The following EPHA6 variants were observed in gnomAD, a reference collection of about 807,000 sequenced individuals.
EPHA6 encodes the protein EPH receptor A6.
Under a neutral mutation model 112.0 loss-of-function variants are expected in EPHA6, and 50 were observed. The observed-to-expected ratio is 0.45, with a 90% CI of 0.36 to 0.56. The LOEUF (loss-of-function observed/expected upper bound fraction) is 0.56, where lower values mean the gene tolerates loss of function less well. EPHA6 is among the 20% of genes least tolerant of loss of function. The pLI, the probability that EPHA6 is intolerant of heterozygous loss-of-function variation, is 0.00. For synonymous variants in EPHA6, 529 were observed against 490.7 expected (o/e 1.08, Z -1.03); for missense variants, 1,280 against 1,417.4 (o/e 0.90, Z 1.56).
intron 14 of EPHA6, among the ~76,000 whole-genome samples, chr3:97,716,586 A>G (rs1477391291): frequency 1.3e-5 from 2 of 151,034 alleles, no homozygotes; most frequent in Admixed American, 1.3e-4. Flanking sequence ...AAAAAAAAAA[A>G]AAAAAAAAAA....
At chr3:97,270,116 A>G (rs2079830115) in intron 5 of EPHA6, among the ~76,000 whole-genome samples, 1 of 152,196 alleles carries the variant, frequency 6.6e-6, no homozygotes, top group Non-Finnish European at 1.5e-5. Flanking sequence ...TATAATTTTC[A>G]GAAAAAGCTA....
chr3:97,249,669 CCTTTCCACCAATATGT>C (rs1429988995), intron 5 of EPHA6, among the ~76,000 whole-genome samples: 3 of 152,076 alleles, frequency 2.0e-5, no homozygotes, highest in African/African-American at 4.8e-5. Flanking sequence ...TAATAATTTG[CCTTTCCACCAATATGT>C]AAGCTTCTTG....
intron 2 of EPHA6, among the ~76,000 whole-genome samples, chr3:96,955,857 A>G (rs2041736413): frequency 6.6e-6 from 1 of 152,234 alleles, no homozygotes; most frequent in African/African-American, 2.4e-5. Flanking sequence ...GTTGAAAAGC[A>G]TTACTCACAA....
At chr3:97,594,201 A>G (rs2107355894) in intron 12 of EPHA6, among the ~76,000 whole-genome samples, 1 of 152,358 alleles carries the variant, frequency 6.6e-6, no homozygotes. Context: ...ATGAAGTTTA[A>G]GACTGACTTG....
chr3:97,201,683 T>C (rs1228427137), intron 3 of EPHA6, among the ~76,000 whole-genome samples: 1 of 152,156 alleles, frequency 6.6e-6, no homozygotes. Flanking sequence ...CATTAAGATA[T>C]TGTAATTGCA....
At chr3:97,544,533 G>A (rs553583291) in intron 11 of EPHA6, among the ~76,000 whole-genome samples, 3 of 152,190 alleles carry the variant, frequency 2.0e-5, no homozygotes, top group Non-Finnish European at 2.9e-5. Flanking sequence ...TGTTCATCAA[G>A]GACATTGGTC....
At chr3:96,868,169 TGTGTGTGA>T (rs1279141224) in intron 2 of EPHA6, among the ~76,000 whole-genome samples, 1 of 146,102 alleles carries the variant, frequency 6.8e-6, no homozygotes, top group African/African-American at 2.7e-5. Flanking sequence ...CGTGTGTGTG[TGTGTGTGA>T]GAGAGAGAGA....
At chr3:96,859,637 CTA>C (rs2035897281) in intron 1 of EPHA6, among the ~76,000 whole-genome samples, 1 of 152,038 alleles carries the variant, frequency 6.6e-6, no homozygotes, top group Non-Finnish European at 1.5e-5. Context: ...ATCTCCCACT[CTA>C]TGTAAAACAA....
intron 13 of EPHA6, among the ~76,000 whole-genome samples, chr3:97,613,332 G>A (rs138962692): frequency 6.6e-6 from 1 of 152,290 alleles, no homozygotes; most frequent in Non-Finnish European, 1.5e-5. Context: ...ACAGGAAGGA[G>A]GAAGTGGCTA....
At chr3:97,156,537 G>GA (rs1045794157) in intron 3 of EPHA6, among the ~76,000 whole-genome samples, 5 of 151,632 alleles carry the variant, frequency 3.3e-5, no homozygotes, top group Non-Finnish European at 7.4e-5. Context: ...GAGATACAAT[G>GA]AAAAAAAATT....
chr3:96,997,609 G>T (rs1164134504), intron 3 of EPHA6, among the ~76,000 whole-genome samples: 1 of 151,976 alleles, frequency 6.6e-6, no homozygotes, highest in Non-Finnish European at 1.5e-5. Context: ...TGGCTTATGT[G>T]AGTATGGTTT....
chr3:97,028,583 A>G (rs575280506), intron 3 of EPHA6, among the ~76,000 whole-genome samples: 2 of 152,208 alleles, frequency 1.3e-5, no homozygotes, highest in East Asian at 3.9e-4. Context: ...TTTTTAAGGA[A>G]CAAGTACCAT....
chr3:97,350,609 C>A lies in EPHA6; in HGVS notation c.1607-54541C>A, dbSNP rs1443566608. The stretch of plus-strand genomic sequence containing the variant: ...GGGAAAACCTCAGCACACATCTAGT[C>A]CAGTTGTCATCATTTGCTTCTTTTT... On this transcript the variant is annotated intron_variant, in intron 5 of 17. Coordinates refer to ENST00000389672, the MANE Select transcript of EPHA6 (RefSeq NM_001080448.3). Among the ~76,000 whole-genome samples the A allele has an allele frequency of 2.0e-5, 3 of 152,066 alleles. No individual in the cohort carries two copies. The East Asian group carries it at 5.8e-4, about 29-fold the overall frequency.
chr3:97,135,325 A>C (rs1035149945), intron 3 of EPHA6, among the ~76,000 whole-genome samples: 10 of 152,114 alleles, frequency 6.6e-5, no homozygotes, highest in African/African-American at 1.4e-4. Flanking sequence ...TGAGCTTTCT[A>C]ATTCTAGAGC....
At chr3:97,006,382 G>T (rs760916499) in intron 3 of EPHA6, among the ~76,000 whole-genome samples, 1 of 152,112 alleles carries the variant, frequency 6.6e-6, no homozygotes, top group Non-Finnish European at 1.5e-5. Context: ...AGATTTTCTA[G>T]TTTATTTGCA....
intron 14 of EPHA6, among the ~76,000 whole-genome samples, chr3:97,654,770 CA>C (rs1352876212): frequency 6.6e-6 from 1 of 151,416 alleles, no homozygotes; most frequent in East Asian, 1.9e-4. Flanking sequence ...GTTAAGGAAA[CA>C]AAGAAAGAAG....
chr3:97,198,125 G>A (rs904003500), intron 3 of EPHA6, among the ~76,000 whole-genome samples: 1 of 151,974 alleles, frequency 6.6e-6, no homozygotes, highest in African/African-American at 2.4e-5. Context: ...GTTAAAACCA[G>A]GTACTATGGT....
intron 2 of EPHA6, among the ~76,000 whole-genome samples, chr3:96,869,950 T>G (rs895438489): frequency 1.3e-5 from 2 of 152,086 alleles, no homozygotes; most frequent in Non-Finnish European, 2.9e-5. Flanking sequence ...ATAATTTTTG[T>G]GTGCTCTGAC....
At chr3:96,849,016 A>G (rs1479110014) in intron 1 of EPHA6, among the ~76,000 whole-genome samples, 6 of 152,116 alleles carry the variant, frequency 3.9e-5, no homozygotes, top group Admixed American at 3.9e-4. Context: ...GAAATTTCCT[A>G]GGGGAAAATA....
Sources: allele counts gnomAD v4.1 joint callset (sites outside exome capture counted in the v4.1 genomes callset), GRCh38; gene constraint gnomAD v4.1.1; transcripts MANE v1.5; gene names NCBI Gene and HGNC (gene_info 2026-07-23, HGNC 2026-07-21).